PDSS2: variants seen among roughly 807,000 people sequenced by gnomAD.
The protein encoded by PDSS2 is decaprenyl diphosphate synthase subunit 2, also known as all trans-polyprenyl-diphosphate synthase PDSS2.
In PDSS2, 31 loss-of-function variants were observed where a neutral mutation model predicts 44.5. That is an observed-to-expected ratio of 0.70 (90% CI 0.52 to 0.94). PDSS2 has a LOEUF of 0.94. Ranked by LOEUF, PDSS2 falls within the 40% of genes least tolerant of loss-of-function variation. PDSS2 has a pLI of 0.00. For synonymous variants in PDSS2, 157 were observed against 180.3 expected, an observed-to-expected ratio of 0.87 and a Z score of 1.03; for missense variants, 452 against 482.2, an observed-to-expected ratio of 0.94 and a Z score of 0.59.
chr6:107,227,672 G>A (rs1436468739), intron 4 of PDSS2, among the ~76,000 whole-genome samples: 4 of 152,142 alleles, frequency 2.6e-5, no homozygotes, highest in Admixed American at 1.3e-4. Context: ...GTGGTGGTAC[G>A]GAAGAGTAAG....
In PDSS2 at chr6:107,438,172, T is replaced by C. The variant is rs79345505; in HGVS notation, c.296+20818A>G. 7.9e-3 allele frequency among the ~76,000 whole-genome samples: 1,208 copies of C among 152,174 alleles called. 49 individuals are homozygous for C. In the East Asian group the frequency reaches 0.12, roughly 15 times the overall value. On this transcript the variant is annotated intron_variant, in intron 1 of 7. Transcript: ENST00000369037. ...TCTATATTTAATTAGACTCAATAAC[T>C]CAAATCAACAGGCAACCCACTTAGA...
intron 1 of PDSS2, among the ~76,000 whole-genome samples, chr6:107,343,471 A>T (rs1307081237): frequency 6.6e-6 from 1 of 152,226 alleles, no homozygotes; most frequent in Non-Finnish European, 1.5e-5. Flanking sequence ...ACAGTATATG[A>T]TGTATTAGTT....
intron 1 of PDSS2, among the ~76,000 whole-genome samples, chr6:107,438,046 A>G (rs377686939): frequency 2.6e-5 from 4 of 152,132 alleles, no homozygotes; most frequent in Admixed American, 2.6e-4. Flanking sequence ...GTAGTAGTTA[A>G]CTGACAGAAA....
chr6:107,205,457 T>C (rs376683684), intron 6 of PDSS2, among the ~76,000 whole-genome samples: 1 of 152,164 alleles, frequency 6.6e-6, no homozygotes. Flanking sequence ...CTCTGAAGGA[T>C]TCTACTTTCT....
intron 4 of PDSS2, among the ~76,000 whole-genome samples, chr6:107,225,134 T>TA (rs1773746207): frequency 1.2e-4 from 3 of 25,414 alleles, no homozygotes; most frequent in Middle Eastern, 8.1e-3. Flanking sequence ...TATATATATA[T>TA]TTTTATATAT....
chr6:107,233,695 C>G (rs1006732798), intron 4 of PDSS2, among the ~76,000 whole-genome samples: 2 of 151,958 alleles, frequency 1.3e-5, no homozygotes, highest in Non-Finnish European at 2.9e-5. Context: ...CAACTGTAGT[C>G]CTAGCTTCTT....
intron 2 of PDSS2, among the ~76,000 whole-genome samples, chr6:107,316,099 C>G (rs935656575): frequency 6.6e-6 from 1 of 152,146 alleles, no homozygotes; most frequent in African/African-American, 2.4e-5. Flanking sequence ...CACATATGGT[C>G]AAATTTCAGA....
Position 107,455,364 on chromosome 6 carries a change from G to A in PDSS2, c.296+3626C>T, listed in dbSNP as rs141064336. 2.2e-3 allele frequency among the ~76,000 whole-genome samples: 339 copies of A among 151,492 alleles called. 2 individuals are homozygous for A. The highest frequency in any genetic ancestry group is 6.8e-3 in the Middle Eastern group (2 of 294). On this transcript the variant is annotated intron_variant, in intron 1 of 7. Coordinates refer to ENST00000369037, the MANE Select transcript of PDSS2 (RefSeq NM_020381.4). Reference sequence around the variant, plus strand: ...CACCCTTTTCACTTCTGTGCTTTATGATGGACTACAATACTCATAATGCAA... The same window carrying A: ...CACCCTTTTCACTTCTGTGCTTTATAATGGACTACAATACTCATAATGCAA...
chr6:107,271,975 G>T (rs914940733), intron 3 of PDSS2, among the ~76,000 whole-genome samples: 1 of 151,664 alleles, frequency 6.6e-6, no homozygotes, highest in Non-Finnish European at 1.5e-5. Flanking sequence ...GAGGTAGGAG[G>T]ATTGCTTCAA....
At chr6:107,216,657 A>G (rs982473278) in intron 4 of PDSS2, among the ~76,000 whole-genome samples, 1 of 152,240 alleles carries the variant, frequency 6.6e-6, no homozygotes, top group East Asian at 1.9e-4. Flanking sequence ...CTCATAAGTT[A>G]CTCCAATAAA....
chr6:107,290,480 TC>T (rs773014150), intron 2 of PDSS2, among the ~76,000 whole-genome samples: 4 of 152,132 alleles, frequency 2.6e-5, no homozygotes, highest in Non-Finnish European at 5.9e-5. Flanking sequence ...TAAAAGCCAG[TC>T]CCTATAATGG....
intron 3 of PDSS2, among the ~76,000 whole-genome samples, chr6:107,265,681 C>T (rs1280404980): frequency 6.6e-6 from 1 of 152,162 alleles, no homozygotes; most frequent in Non-Finnish European, 1.5e-5. Context: ...GTGGCTCACG[C>T]CTGTAATCCT....
intron 7 of PDSS2, among the ~76,000 whole-genome samples, chr6:107,186,921 C>T (rs1042264011): frequency 4.6e-5 from 7 of 152,164 alleles, no homozygotes; most frequent in Non-Finnish European, 1.0e-4. Context: ...CAATAGTCTC[C>T]TGAAATGGCT....
chr6:107,327,906 T>C (rs974485461), intron 2 of PDSS2, among the ~76,000 whole-genome samples: 1 of 152,240 alleles, frequency 6.6e-6, no homozygotes, highest in Non-Finnish European at 1.5e-5. Flanking sequence ...TAAACTGCCA[T>C]CCCTTTAAGT....
chr6:107,368,304 A>G (rs1380412362), intron 1 of PDSS2, among the ~76,000 whole-genome samples: 1 of 152,012 alleles, frequency 6.6e-6, no homozygotes, highest in Non-Finnish European at 1.5e-5. Context: ...TCTATATATC[A>G]GCAACAAATA....
intron 2 of PDSS2, among the ~76,000 whole-genome samples, chr6:107,287,571 G>A (rs1426073425): frequency 6.6e-6 from 1 of 151,836 alleles, no homozygotes; most frequent in Non-Finnish European, 1.5e-5. Flanking sequence ...ACCCAGGCTG[G>A]AGTGCAGTGG....
At chr6:107,345,585 T>C (rs1778217795) in intron 1 of PDSS2, among the ~76,000 whole-genome samples, 1 of 150,052 alleles carries the variant, frequency 6.7e-6, no homozygotes, top group African/African-American at 2.5e-5. Flanking sequence ...CCAGTAAAAA[T>C]CAGGAAGTTG....
rs1172478682 is a variant in PDSS2, at chr6:107,179,278, CCTT to C, written c.1041+14541_1041+14543del. ...GGTTTTATTATGATTTAGTTAAGAT[CCTT>C]CTTCTTCTTTTTTTTTTTAGATGGA... On this transcript the variant is annotated intron_variant, in intron 7 of 7. Coordinates refer to ENST00000369037, the MANE Select transcript of PDSS2 (RefSeq NM_020381.4). 8.6e-5 allele frequency among the ~76,000 whole-genome samples: 13 copies of C among 151,898 alleles called. 1 individual carries two copies. Among genetic ancestry groups the C allele is most frequent in the Admixed American group, 3.3e-4 (5 of 15,216 alleles).
rs1235830534 is a variant in PDSS2 at position 107,153,494 on chromosome 6, T to TAAAA, written c.*1121_*1124dup. On this transcript the variant is annotated 3_prime_UTR_variant, in exon 8 of 8. Transcript: ENST00000369037. Reference sequence around the variant, plus strand: ...ACAAAAATTCTGTTTCTGAAACTCGTAAAAATTAAAGTATGCCTTAAACCA... The same window carrying TAAAA: ...ACAAAAATTCTGTTTCTGAAACTCGTAAAAAAAAATTAAAGTATGCCTTAAACCA... The TAAAA allele has an allele frequency of 6.6e-6, 1 of 152,552 alleles. No homozygotes were observed. The highest frequency in any genetic ancestry group is 1.5e-5 in the Non-Finnish European group (1 of 68,026). 9.4% of individuals were successfully genotyped at this position (152,552 alleles called of 1,614,324 possible). A position where few individuals can be genotyped will look rare whatever the true frequency, so the allele number is the denominator to read the frequency against.
Sources: gnomAD v4.1 joint callset for allele counts (sites outside exome capture counted in the v4.1 genomes callset) on GRCh38, gnomAD v4.1.1 for gene constraint, MANE v1.5 for transcripts, NCBI Gene and HGNC (gene_info 2026-07-23, HGNC 2026-07-21) for gene names.